Variants in MBD5 observed in about 807,000 individuals in gnomAD.
MBD5 encodes the protein methyl-CpG binding domain protein 5, also known as methyl-CpG-binding domain protein 5.
In MBD5, 13 loss-of-function variants were observed where a neutral mutation model predicts 117.3. The observed-to-expected ratio is 0.11, with a 90% confidence interval of 0.07 to 0.18. The LOEUF is 0.18. Among genes scored for constraint, MBD5 ranks in the 10% least tolerant of loss-of-function variants. MBD5 has a pLI of 1.00. For synonymous variants in MBD5, 727 were observed against 766.4 expected (o/e 0.95, Z 0.85); for missense variants, 1,879 against 2,093.8 (o/e 0.90, Z 2.00).
chr2:148,125,159 G>A (rs116653960), intron 1 of MBD5, among the ~76,000 whole-genome samples: 587 of 151,948 alleles, frequency 3.9e-3, no homozygotes, highest in East Asian at 8.3e-3. Context: ...GCATGTAGAC[G>A]TGAGGAAAAT....
At chr2:148,137,439 C>T (rs79561471) in intron 1 of MBD5, among the ~76,000 whole-genome samples, 304 of 152,280 alleles carry the variant, frequency 2.0e-3, no homozygotes, top group Non-Finnish European at 3.5e-3. Context: ...TCTGGAGCAT[C>T]CTCCTCTTCC....
rs1682276681 is a variant in MBD5, at chr2:148,513,507, A to G, written c.*566A>G. Reference sequence around the variant, plus strand: ...CTGTTTTTGTATTTAACAGCAGAGAAAAGGCATGATGATGTAATATCTGAA... The same window carrying G: ...CTGTTTTTGTATTTAACAGCAGAGAGAAGGCATGATGATGTAATATCTGAA... On this transcript the variant is annotated 3_prime_UTR_variant, in exon 14 of 14. Coordinates refer to ENST00000642680, the MANE Select transcript of MBD5 (RefSeq NM_001378120.1). The G allele has an allele frequency of 6.3e-6, 1 of 157,890 alleles. No homozygotes were observed. Among genetic ancestry groups the G allele is most frequent in the Non-Finnish European group, 1.4e-5 (1 of 71,142 alleles). The allele number at this position is 157,890 out of a possible 1,614,324, so 9.8% of individuals were successfully genotyped here.
At chr2:148,125,926 A>G (rs746443506) in intron 1 of MBD5, among the ~76,000 whole-genome samples, 1 of 152,244 alleles carries the variant, frequency 6.6e-6, no homozygotes, top group Non-Finnish European at 1.5e-5. Context: ...GTAAAAAGAA[A>G]GATTTGTAGA....
chr2:148,452,779 T>A (rs1706767430), intron 4 of MBD5, among the ~76,000 whole-genome samples: 1 of 152,192 alleles, frequency 6.6e-6, no homozygotes, highest in Non-Finnish European at 1.5e-5. Context: ...ATCAGTTTTC[T>A]TGGAAGCCCT....
At chr2:148,217,642 T>G (rs1699588072) in intron 2 of MBD5, among the ~76,000 whole-genome samples, 1 of 152,212 alleles carries the variant, frequency 6.6e-6, no homozygotes, top group Non-Finnish European at 1.5e-5. Context: ...GTGTGTTTCT[T>G]CTCTCTGAAT....
intron 3 of MBD5, among the ~76,000 whole-genome samples, chr2:148,276,941 C>A (rs1400199223): frequency 2.0e-5 from 3 of 151,972 alleles, no homozygotes; most frequent in African/African-American, 4.8e-5. Context: ...AAAAATTAAA[C>A]CCAAAGGAGA....
At chr2:148,398,698 T>G (rs1455085152) in intron 4 of MBD5, among the ~76,000 whole-genome samples, 1 of 152,222 alleles carries the variant, frequency 6.6e-6, no homozygotes, top group Non-Finnish European at 1.5e-5. Flanking sequence ...TGCCATTGCT[T>G]TTGGTGTTTT....
chr2:148,310,266 A>G (rs537962178), intron 3 of MBD5, among the ~76,000 whole-genome samples: 4 of 152,248 alleles, frequency 2.6e-5, no homozygotes, highest in African/African-American at 9.6e-5. Context: ...CTGTGAATCC[A>G]TCTGTTCCTG....
chr2:148,272,132 G>A (rs1701000641), intron 3 of MBD5, among the ~76,000 whole-genome samples: 1 of 152,102 alleles, frequency 6.6e-6, no homozygotes, highest in African/African-American at 2.4e-5. Flanking sequence ...TCATTTTAAG[G>A]CTGAGTAGTA....
chr2:148,188,498 C>T (rs1371952410), intron 2 of MBD5, among the ~76,000 whole-genome samples: 6 of 151,856 alleles, frequency 4.0e-5, no homozygotes, highest in Admixed American at 6.6e-5. Context: ...CCAGCCTGGG[C>T]AACATAATGA....
chr2:148,087,954 A>C (rs556530526), intron 1 of MBD5, among the ~76,000 whole-genome samples: 21 of 152,324 alleles, frequency 1.4e-4, no homozygotes, highest in African/African-American at 5.1e-4. Flanking sequence ...ACCATCTGAA[A>C]TAAATTTTAA....
chr2:148,360,445 C>A (rs1200968558), intron 4 of MBD5, among the ~76,000 whole-genome samples: 1 of 152,106 alleles, frequency 6.6e-6, no homozygotes, highest in African/African-American at 2.4e-5. Context: ...TAATACTCTG[C>A]AAAGGTTTTA....
intron 3 of MBD5, among the ~76,000 whole-genome samples, chr2:148,332,999 C>T (rs534308838): frequency 6.6e-6 from 1 of 151,856 alleles, no homozygotes; most frequent in Non-Finnish European, 1.5e-5. Context: ...GGAGATCTGA[C>T]CTTTCTATTG....
chr2:148,353,349 G>A (rs1703291848), intron 4 of MBD5, among the ~76,000 whole-genome samples: 1 of 151,964 alleles, frequency 6.6e-6, no homozygotes, highest in Admixed American at 6.6e-5. Context: ...AAAATAAATG[G>A]TCCTTTGGCC....
At chr2:148,105,376 A>G (rs1696343967) in intron 1 of MBD5, among the ~76,000 whole-genome samples, 1 of 151,902 alleles carries the variant, frequency 6.6e-6, no homozygotes, top group Non-Finnish European at 1.5e-5. Flanking sequence ...GTGCCATCAC[A>G]CTGGGCTAAT....
intron 3 of MBD5, among the ~76,000 whole-genome samples, chr2:148,280,564 T>C (rs1213393314): frequency 6.6e-6 from 1 of 152,166 alleles, no homozygotes; most frequent in Non-Finnish European, 1.5e-5. Context: ...CCCAAGTAGC[T>C]GGGACCTCAG....
At chr2:148,497,141 G>A (rs995944286) in intron 11 of MBD5, among the ~76,000 whole-genome samples, 1 of 151,738 alleles carries the variant, frequency 6.6e-6, no homozygotes, top group Non-Finnish European at 1.5e-5. Context: ...CTACTTCAGA[G>A]CTATATTTCC....
intron 2 of MBD5, among the ~76,000 whole-genome samples, chr2:148,182,362 G>T (rs1478977493): frequency 2.0e-5 from 3 of 152,026 alleles, no homozygotes; most frequent in Non-Finnish European, 4.4e-5. Flanking sequence ...AACCATCCAT[G>T]CATTCATAGT....
chr2:148,365,653 C>G (rs1703676311), intron 4 of MBD5, among the ~76,000 whole-genome samples: 1 of 152,192 alleles, frequency 6.6e-6, no homozygotes, highest in African/African-American at 2.4e-5. Flanking sequence ...GCTATCACCA[C>G]TGATCCCACC....
Sources: allele counts gnomAD v4.1 joint callset (sites outside exome capture counted in the v4.1 genomes callset), GRCh38; gene constraint gnomAD v4.1.1; transcripts MANE v1.5; gene names NCBI Gene and HGNC (gene_info 2026-07-23, HGNC 2026-07-21).